Variants in SNED1 observed in about 807,000 individuals in gnomAD.
The protein encoded by SNED1 is sushi, nidogen and EGF like domains 1.
In SNED1, 81 loss-of-function variants were observed where a neutral mutation model predicts 166.7. That is an observed-to-expected ratio of 0.49 (90% CI 0.41 to 0.58). The LOEUF (loss-of-function observed/expected upper bound fraction) is 0.58. Among genes scored for constraint, SNED1 ranks in the 20% least tolerant of loss-of-function variants. The probability of loss-of-function intolerance (pLI) is 0.00; values close to 1 mark genes in which losing one functional copy is unlikely to be tolerated. For missense variants in SNED1, 1,604 were observed against 2,000.2 expected (o/e 0.80, Z 3.78); for synonymous variants, 762 against 822.0 (o/e 0.93, Z 1.25).
chr2:241,033,142 G>C (rs1574936618), intron 2 of SNED1, among the ~76,000 whole-genome samples: 1 of 151,992 alleles, frequency 6.6e-6, no homozygotes, highest in East Asian at 1.9e-4. Context: ...TTTGATTTGG[G>C]ATTACTTTTT....
intron 1 of SNED1, chr2:241,015,877 C>T (rs943717806): frequency 2.0e-5 from 3 of 152,400 alleles, no homozygotes; most frequent in African/African-American, 7.2e-5. Context: ...GATGTGTGCA[C>T]TTGTGTGTCT....
chr2:241,082,433 C>A, intron 29 of SNED1, 69 bp downstream of exon 29: 1 of 1,207,642 alleles, frequency 8.3e-7, no homozygotes, highest in South Asian at 1.3e-5. Context: ...AGTGCTGTCT[C>A]AAAGCTACCC....
intron 4 of SNED1, chr2:241,035,626 G>A (rs966842757): frequency 6.6e-6 from 1 of 152,172 alleles, no homozygotes; most frequent in Non-Finnish European, 1.5e-5. Context: ...TACGAGAGGG[G>A]AGAGGGGCCG....
Position 241,075,525 on chromosome 2 carries a change from G to C in SNED1, c.3916+2161G>C, listed in dbSNP as rs912087535. On this transcript the variant is annotated intron_variant, in intron 27 of 31. Coordinates refer to ENST00000310397, the MANE Select transcript of SNED1 (RefSeq NM_001080437.3). This position sits in a 1 kb window ranked among gnomAD's most constrained non-coding sequence, Gnocchi z 4.8. ...AGGTGTTTGCTTCTGTGAAATGCCTGATCACGCCTTTTGACTTTATGTTGG... is the reference window on the plus strand; with the variant it reads ...AGGTGTTTGCTTCTGTGAAATGCCTCATCACGCCTTTTGACTTTATGTTGG... The C allele has an allele frequency of 1.3e-5, 2 of 152,192 alleles. No homozygotes were observed. The highest frequency in any genetic ancestry group is 4.8e-5 in the African/African-American group (2 of 41,436). 9.4% of individuals were successfully genotyped at this position (152,192 alleles called of 1,614,324 possible).
In SNED1 at chr2:241,073,314, G is replaced by T. The variant is rs6721345; in HGVS notation, c.3866G>T (p.Arg1289Leu). The T allele has an allele frequency of 3.8e-6, 6 of 1,573,874 alleles. No individual in the cohort carries two copies. In the South Asian group the frequency reaches 4.7e-5, roughly 12 times the overall value. ...GAGAACATGGAGGAAGCCCCCAAGC[G>T]GGTCAGCCTGGCCCTCCAGCTCCCT... is the stretch of plus-strand genomic sequence containing the variant. ...QLENMEEAPK[R>L]VSLALQLPEH... The change falls in exon 27 of 32, where the codon CGG becomes CTG. Residue 1289 changes from arginine to leucine, a missense_variant. This residue lies in a region of SNED1 where 367 missense variants were observed against 379.4 expected (regional missense o/e 0.97). Transcript: ENST00000310397. This position sits in a 1 kb window ranked among gnomAD's most constrained non-coding sequence, Gnocchi z 6.6.
In SNED1 at chr2:241,052,411, G is replaced by C; in HGVS notation, c.2026G>C (p.Asp676His). 1 of 1,605,182 alleles carries C rather than the reference G, an allele frequency of 6.2e-7. No homozygotes were observed. The highest frequency in any genetic ancestry group is 8.5e-7 in the Non-Finnish European group (1 of 1,175,602). ...CVNGGTCEDR[D>H]TDFFCHCQAG... Reference sequence around the variant, plus strand: ...GAATGGGGGCACCTGCGAGGACCGGGACACGGATTTCTTCTGCCACTGCCA... The same window carrying C: ...GAATGGGGGCACCTGCGAGGACCGGCACACGGATTTCTTCTGCCACTGCCA... Residue 676 changes from aspartate (D) to histidine (H), a missense_variant, in exon 15 of 32, where the codon GAC becomes CAC. By Grantham distance (81) the Asp-to-His change is moderately conservative. Coordinates refer to ENST00000310397, the MANE Select transcript of SNED1 (RefSeq NM_001080437.3).
rs773549772 is a variant in SNED1, at chr2:241,065,600, G to T, written c.3010+5G>T. 6.2e-7 allele frequency: 1 copy of T among 1,609,944 alleles called. No homozygotes were observed. Among genetic ancestry groups the T allele is most frequent in the Non-Finnish European group, 8.5e-7 (1 of 1,179,058 alleles). ...CCGTGCTGCTGGCCCGCACGCGTGA[G>T]TGTCCCCGAGCCTGGCCGTCCCTGC... On this transcript the variant is annotated splice_donor_5th_base_variant and intron_variant, in intron 21 of 31. Coordinates refer to ENST00000310397, the MANE Select transcript of SNED1 (RefSeq NM_001080437.3).
intron 1 of SNED1, among the ~76,000 whole-genome samples, chr2:241,014,009 CT>C (rs1200037074): frequency 6.6e-6 from 1 of 150,586 alleles, no homozygotes; most frequent in African/African-American, 2.4e-5. Context: ...ACTCTTTTTT[CT>C]TTTCTTTTTT....
chr2:241,070,171 A>G lies in SNED1; in HGVS notation c.3559A>G (p.Ser1187Gly), dbSNP rs1482289648. The G allele has an allele frequency of 6.3e-7, 1 of 1,590,908 alleles. No homozygotes were observed. The highest frequency in any genetic ancestry group is 1.1e-5 in the South Asian group (1 of 88,910). The change falls in exon 24 of 32, where the codon AGC (serine) becomes GGC (glycine). Residue 1187 changes from serine (S) to glycine (G), a missense_variant. Coordinates refer to ENST00000310397, the MANE Select transcript of SNED1 (RefSeq NM_001080437.3). ...VQSTELGPQH[S>G]EPAHLYIITS... ...GAGCACGGAGCTCGGGCCGCAGCAC[A>G]GCGAGCCCGCCCACCTCTACATCAT... is the stretch of plus-strand genomic sequence containing the variant.
rs746882591 is a variant in SNED1 at position 241,071,727 on chromosome 2, GC to G, written c.3734+11del. 8.7e-7 allele frequency: 1 copy of G among 1,153,902 alleles called. No homozygotes were observed. The highest frequency in any genetic ancestry group is 2.8e-5 in the East Asian group (1 of 36,068). 71.5% of individuals were successfully genotyped at this position (1,153,902 alleles called of 1,614,324 possible). A position where few individuals can be genotyped will look rare whatever the true frequency, so the allele number is the denominator to read the frequency against. On this transcript the variant is annotated splice_region_variant and intron_variant, in intron 25 of 31. Coordinates refer to ENST00000310397, the MANE Select transcript of SNED1 (RefSeq NM_001080437.3). ...CCCCCACCCAGCCCCCCAGGTACAT[GC>G]CCCACCCATCGGCCCCATCGCCCGA...
intron 1 of SNED1, among the ~76,000 whole-genome samples, chr2:241,025,404 T>C (rs756899693): frequency 2.0e-5 from 3 of 152,168 alleles, no homozygotes; most frequent in Non-Finnish European, 4.4e-5. Flanking sequence ...TTTTAACTTA[T>C]TAATATTCAC....
chr2:241,003,650 G>T (rs2060136828), intron 1 of SNED1, among the ~76,000 whole-genome samples: 1 of 152,254 alleles, frequency 6.6e-6, no homozygotes, highest in African/African-American at 2.4e-5. Context: ...AGGCACAGCT[G>T]TTGGAACATG....
chr2:241,065,641 C>T (rs967485428), intron 21 of SNED1, 46 bp downstream of exon 21: 12 of 1,551,198 alleles, frequency 7.7e-6, no homozygotes, highest in Middle Eastern at 2.2e-4. Flanking sequence ...CCCTGCCCCT[C>T]GAGGGCAGCG....
At chr2:241,017,144 C>T (rs939542543) in intron 1 of SNED1, among the ~76,000 whole-genome samples, 4 of 152,198 alleles carry the variant, frequency 2.6e-5, no homozygotes, top group Admixed American at 6.5e-5. Flanking sequence ...AGCCACCACA[C>T]CCAGCCAAGT....
chr2:241,062,211 A>G (rs575700201), intron 16 of SNED1, among the ~76,000 whole-genome samples: 2 of 152,348 alleles, frequency 1.3e-5, no homozygotes, highest in South Asian at 4.1e-4. Flanking sequence ...TCTTATCGCA[A>G]GGGAAGAGAA....
intron 2 of SNED1, 101 bp downstream of exon 2, chr2:241,030,672 C>T (rs1371271293): frequency 8.0e-7 from 1 of 1,246,172 alleles, no homozygotes; most frequent in Non-Finnish European, 1.1e-6. Flanking sequence ...GTGGTGCAGT[C>T]ACTGGTCCAT....
At chr2:241,056,947 C>T (rs1330078379) in intron 16 of SNED1, among the ~76,000 whole-genome samples, 1 of 152,016 alleles carries the variant, frequency 6.6e-6, no homozygotes, top group East Asian at 1.9e-4. Flanking sequence ...GGCAAACAAG[C>T]ACATAATTGA....
intron 27 of SNED1, among the ~76,000 whole-genome samples, chr2:241,079,058 G>A (rs564853906): frequency 9.4e-4 from 137 of 146,074 alleles, no homozygotes; most frequent in African/African-American, 3.3e-3. Flanking sequence ...AGGCTGCAGC[G>A]AGCCGAGATC....
In SNED1 at chr2:241,051,551, C is replaced by T; in HGVS notation, c.1736-193C>T. On this transcript the variant is annotated intron_variant, in intron 12 of 31. Transcript: ENST00000310397. The surrounding 1 kb of genome is among the most constrained non-coding windows in gnomAD (Gnocchi z 4.7). ...CCCACCTGTGACTGAGTTGGGGTCTCCAGCCTGTGAGCCCCACCCCAGCCC... is the reference window on the plus strand; with the variant it reads ...CCCACCTGTGACTGAGTTGGGGTCTTCAGCCTGTGAGCCCCACCCCAGCCC... The T allele has an allele frequency of 4.4e-6, 2 of 455,046 alleles. No individual in the cohort carries two copies. Among genetic ancestry groups the T allele is most frequent in the Non-Finnish European group, 7.7e-6 (2 of 258,448 alleles). 28.2% of individuals were successfully genotyped at this position (455,046 alleles called of 1,614,324 possible).
Sources: allele counts gnomAD v4.1 joint callset (sites outside exome capture counted in the v4.1 genomes callset), GRCh38; gene constraint gnomAD v4.1.1; regional missense constraint gnomAD v4.1.1; non-coding constraint Gnocchi (gnomAD v3.1); transcripts MANE v1.5; gene names NCBI Gene and HGNC (gene_info 2026-07-23, HGNC 2026-07-21).